The following DEPDC5 variants were observed in gnomAD, a reference collection of about 807,000 sequenced individuals.
DEPDC5 encodes DEP domain containing 5, GATOR1 subcomplex subunit, also known as GATOR1 complex protein DEPDC5.
A neutral mutation model predicts 217.3 loss-of-function variants in DEPDC5; 73 were observed. The observed-to-expected ratio is 0.34, with a 90% CI of 0.28 to 0.41. The LOEUF (loss-of-function observed/expected upper bound fraction) is 0.41. DEPDC5 is among the 10% of genes least tolerant of loss of function. DEPDC5 has a pLI of 1.00. For missense variants in DEPDC5, 1,675 were observed against 2,070.1 expected (o/e 0.81, Z 3.70); for synonymous variants, 733 against 756.7 (o/e 0.97, Z 0.51).
At chr22:31,901,648 T>C (rs1438951158) in intron 40 of DEPDC5, 94 bp from the exon 41 acceptor site, 10 of 1,100,280 alleles carry the variant, frequency 9.1e-6, no homozygotes, top group Non-Finnish European at 1.2e-5. Context: ...AGGGGACTGA[T>C]TGCCAAGAGT....
At chr22:31,883,988 C>G (rs544666772) in intron 38 of DEPDC5, among the ~76,000 whole-genome samples, 2 of 152,274 alleles carry the variant, frequency 1.3e-5, no homozygotes, top group African/African-American at 4.8e-5. Flanking sequence ...CCACCAGGAC[C>G]TGTAACCAAT....
At chr22:31,764,502 G>A (rs1052437894) in intron 4 of DEPDC5, among the ~76,000 whole-genome samples, 1 of 152,070 alleles carries the variant, frequency 6.6e-6, no homozygotes, top group Non-Finnish European at 1.5e-5. Context: ...TACAACCTCT[G>A]TCTCTGGGGT....
intron 24 of DEPDC5, among the ~76,000 whole-genome samples, chr22:31,828,468 A>C (rs1000962219): frequency 2.0e-5 from 3 of 152,068 alleles, no homozygotes; most frequent in East Asian, 1.9e-4. Flanking sequence ...AAAAAAAAAA[A>C]AAAAAACAGT....
chr22:31,879,495 T>G, intron 37 of DEPDC5, 30 bp from the exon 38 acceptor site: 1 of 1,590,896 alleles, frequency 6.3e-7, no homozygotes, highest in African/African-American at 1.3e-5. Flanking sequence ...TTGTGTTGAG[T>G]ACTCCTTCTC....
intron 6 of DEPDC5, among the ~76,000 whole-genome samples, chr22:31,767,420 G>C (rs868427568): frequency 3.2e-4 from 48 of 151,830 alleles, no homozygotes; most frequent in African/African-American, 1.1e-3. Context: ...CTCAGCCTCC[G>C]CAGTAGCTGG....
At chr22:31,869,361 T>C (rs996955832) in intron 33 of DEPDC5, among the ~76,000 whole-genome samples, 1 of 151,524 alleles carries the variant, frequency 6.6e-6, no homozygotes, top group African/African-American at 2.4e-5. Context: ...GCGGACTGAA[T>C]CGGAACAGTT....
intron 15 of DEPDC5, among the ~76,000 whole-genome samples, chr22:31,803,643 C>A (rs528806232): frequency 6.6e-6 from 1 of 151,936 alleles, no homozygotes; most frequent in East Asian, 1.9e-4. Flanking sequence ...GGAGTTGGGA[C>A]GCTGAGGCAG....
chr22:31,841,818 C>T (rs1479165482), intron 27 of DEPDC5, among the ~76,000 whole-genome samples: 1 of 152,122 alleles, frequency 6.6e-6, no homozygotes, highest in East Asian at 1.9e-4. Flanking sequence ...TTGGGGTTTT[C>T]CTTTTGATTT....
At chr22:31,783,602 A>G (rs1277375229) in intron 8 of DEPDC5, among the ~76,000 whole-genome samples, 2 of 152,122 alleles carry the variant, frequency 1.3e-5, no homozygotes, top group African/African-American at 4.8e-5. Flanking sequence ...TGGGAGTTTG[A>G]GGCTGCAGTG....
At chr22:31,832,503 T>C (rs1455193391) in intron 24 of DEPDC5, among the ~76,000 whole-genome samples, 1 of 152,112 alleles carries the variant, frequency 6.6e-6, no homozygotes, top group Middle Eastern at 3.2e-3. Context: ...TTTTTTTCTT[T>C]TGAGACGGGG....
chr22:31,805,000 T>C lies in DEPDC5; in HGVS notation c.1217+85T>C. On this transcript the variant is annotated intron_variant, in intron 17 of 42. Coordinates refer to ENST00000651528, the MANE Select transcript of DEPDC5 (RefSeq NM_001242896.3). Reference sequence around the variant, plus strand: ...TTTCTTTAAATCTGTTAAGTTCTTATTATGGCACTAAACCTTTTGTTAAGA... The same window carrying C: ...TTTCTTTAAATCTGTTAAGTTCTTACTATGGCACTAAACCTTTTGTTAAGA... 3.1e-6 allele frequency: 4 copies of C among 1,294,376 alleles called. No homozygotes were observed. In the South Asian group the frequency reaches 3.8e-5, roughly 12 times the overall value. The allele number at this position is 1,294,376 out of a possible 1,614,324, so 80.2% of individuals were successfully genotyped here.
chr22:31,799,799 C>CTTTTTTTTT (rs1158355451), intron 14 of DEPDC5, among the ~76,000 whole-genome samples: 6 of 72,924 alleles, frequency 8.2e-5, no homozygotes, highest in African/African-American at 3.7e-4. Flanking sequence ...CATGCCCGGC[C>CTTTTTTTTT]TTTTTTTTTT....
chr22:31,799,829 G>C lies in DEPDC5; in HGVS notation c.946+1173G>C, dbSNP rs534230088. On this transcript the variant is annotated intron_variant, in intron 14 of 42. Coordinates refer to ENST00000651528, the MANE Select transcript of DEPDC5 (RefSeq NM_001242896.3). ...TTTTTTTTTTTTTTTTTTTTTTTGA[G>C]ACAGAGTCTTACTCTGTCGCTAGGC... Among the ~76,000 whole-genome samples, 366 of 63,086 alleles carry C rather than the reference G, an allele frequency of 5.8e-3. 2 individuals carry two copies. Among genetic ancestry groups the C allele is most frequent in the African/African-American group, 0.028 (349 of 12,428 alleles). 41.4% of individuals were successfully genotyped at this position (63,086 alleles called of 152,430 possible). A position where few individuals can be genotyped will look rare whatever the true frequency, so the allele number is the denominator to read the frequency against.
chr22:31,759,298 A>G (rs2082184270), intron 3 of DEPDC5, among the ~76,000 whole-genome samples: 1 of 151,628 alleles, frequency 6.6e-6, no homozygotes, highest in South Asian at 2.1e-4. Context: ...CAAGTCATCC[A>G]TCCTGCTAGG....
At chr22:31,817,382 T>C in intron 21 of DEPDC5, 1 of 397,192 alleles carries the variant, frequency 2.5e-6, no homozygotes, top group South Asian at 2.1e-5. Flanking sequence ...AGTGCTGGGA[T>C]TACGGGCGTG....
intron 22 of DEPDC5, among the ~76,000 whole-genome samples, chr22:31,820,094 G>A (rs1268856019): frequency 1.3e-5 from 2 of 151,794 alleles, no homozygotes; most frequent in Admixed American, 6.6e-5. Context: ...AGGAACAAAT[G>A]CATTAAACTC....
intron 24 of DEPDC5, chr22:31,831,042 A>T (rs2090556952): frequency 1.5e-5 from 2 of 136,912 alleles, no homozygotes; most frequent in Non-Finnish European, 3.1e-5. Flanking sequence ...TTGTCAGCCA[A>T]GGTTTTTTTT....
intron 41 of DEPDC5, among the ~76,000 whole-genome samples, chr22:31,902,886 G>GT (rs1186219585): frequency 6.6e-6 from 1 of 152,060 alleles, no homozygotes; most frequent in Non-Finnish European, 1.5e-5. Flanking sequence ...GAGTTTCTAA[G>GT]TAGCTCTTAC....
intron 24 of DEPDC5, among the ~76,000 whole-genome samples, chr22:31,823,532 C>CAAAA (rs375009177): frequency 3.8e-5 from 2 of 52,228 alleles, no homozygotes; most frequent in South Asian, 5.5e-4. Flanking sequence ...GACTCCATCT[C>CAAAA]AAAAAAAAAA....
Sources: gnomAD v4.1 joint callset for allele counts (sites outside exome capture counted in the v4.1 genomes callset) on GRCh38, gnomAD v4.1.1 for gene constraint, MANE v1.5 for transcripts, NCBI Gene and HGNC (gene_info 2026-07-23, HGNC 2026-07-21) for gene names.